Variants in TNIK observed in about 807,000 individuals in gnomAD.
TNIK encodes TRAF2 and NCK interacting kinase, also known as TRAF2 and NCK-interacting protein kinase.
In TNIK, 49 loss-of-function variants were observed where a neutral mutation model predicts 191.3. The observed-to-expected ratio is 0.26, with a 90% confidence interval of 0.20 to 0.32. The LOEUF (loss-of-function observed/expected upper bound fraction) is 0.32, where lower values mean the gene tolerates loss of function less well. TNIK is among the 10% of genes least tolerant of loss of function. TNIK has a pLI of 1.00. For synonymous variants in TNIK, 594 were observed against 600.9 expected, an observed-to-expected ratio of 0.99 and a Z score of 0.17; for missense variants, 1,155 against 1,702.3, an observed-to-expected ratio of 0.68 and a Z score of 5.66.
At chr3:171,101,763 T>A in intron 21 of TNIK, 130 bp from the exon 22 acceptor site, 1 of 812,368 alleles carries the variant, frequency 1.2e-6, no homozygotes, top group South Asian at 1.9e-5. Context: ...ACAAACATAG[T>A]TACTGCATGG....
intron 2 of TNIK, among the ~76,000 whole-genome samples, chr3:171,295,675 A>G (rs1752211162): frequency 1.3e-5 from 2 of 152,074 alleles, no homozygotes; most frequent in Admixed American, 1.3e-4. Context: ...GGAAATTAAG[A>G]ACATTTTACA....
At chr3:171,357,988 G>A (rs1237138926) in intron 2 of TNIK, among the ~76,000 whole-genome samples, 1 of 152,146 alleles carries the variant, frequency 6.6e-6, no homozygotes, top group Non-Finnish European at 1.5e-5. Flanking sequence ...GCTACTCTGT[G>A]GAGGGAGGTA....
At chr3:171,097,034 T>C (rs1239803310) in intron 22 of TNIK, among the ~76,000 whole-genome samples, 2 of 152,220 alleles carry the variant, frequency 1.3e-5, no homozygotes, top group Admixed American at 1.3e-4. Context: ...AATTTTCTTA[T>C]AATTGGGTGG....
intron 2 of TNIK, among the ~76,000 whole-genome samples, chr3:171,335,956 A>G (rs549216143): frequency 2.0e-5 from 3 of 152,132 alleles, no homozygotes; most frequent in African/African-American, 7.2e-5. Flanking sequence ...CAGTCTTTTT[A>G]ACTTTAGTCA....
intron 3 of TNIK, among the ~76,000 whole-genome samples, chr3:171,223,786 A>T (rs1294188417): frequency 1.3e-5 from 2 of 152,172 alleles, no homozygotes; most frequent in Non-Finnish European, 2.9e-5. Context: ...ATAGGAATAT[A>T]AAAAATGTAA....
intron 10 of TNIK, among the ~76,000 whole-genome samples, chr3:171,166,510 C>CAAAGATG (rs1734638217): frequency 6.6e-6 from 1 of 152,164 alleles, no homozygotes; most frequent in South Asian, 2.1e-4. Flanking sequence ...GCTAGAGTCA[C>CAAAGATG]AAAGATGTGC....
chr3:171,137,975 AAAAAAAAAAC>A (rs1560166651), intron 15 of TNIK, among the ~76,000 whole-genome samples: 1 of 148,094 alleles, frequency 6.8e-6, no homozygotes, highest in African/African-American at 2.6e-5. Flanking sequence ...ATACAAAAAA[AAAAAAAAAAC>A]AAAAACAAAA....
rs1729284491 is a variant in TNIK at position 171,460,039 on chromosome 3, T to C, written c.25A>G (p.Ser9Gly). 6.2e-7 allele frequency: 1 copy of C among 1,609,024 alleles called. No individual in the cohort carries two copies. Among genetic ancestry groups the C allele is most frequent in the African/African-American group, 1.3e-5 (1 of 74,826 alleles). MASDSPAR[S>G]LDEIDLSALR... ...GCCGAGAGATCTATTTCATCCAGGCTTCGAGCCGGGGAGTCGCTCGCCATG... is the reference window on the plus strand; with the variant it reads ...GCCGAGAGATCTATTTCATCCAGGCCTCGAGCCGGGGAGTCGCTCGCCATG... The change falls in exon 1 of 33, where the codon AGC (serine) becomes GGC (glycine). Residue 9 changes from serine to glycine, a missense_variant. Transcript: ENST00000436636. The surrounding 1 kb of genome is among the most constrained non-coding windows in gnomAD (Gnocchi z 6.8).
intron 1 of TNIK, among the ~76,000 whole-genome samples, chr3:171,376,545 A>G (rs968216888): frequency 8.5e-5 from 13 of 152,130 alleles, no homozygotes; most frequent in Admixed American, 7.2e-4. Context: ...GACATGAGCA[A>G]CTTACTACAC....
In TNIK at chr3:171,118,277, C is replaced by T. The variant is rs186393816; in HGVS notation, c.2120+5319G>A. ...AGGAGAACTACAAACCACTGCTCAA[C>T]GAAATAAAAGAGGATACAAAGAAAT... On this transcript the variant is annotated intron_variant, in intron 18 of 32. Coordinates refer to ENST00000436636, the MANE Select transcript of TNIK (RefSeq NM_015028.4). 4.9e-3 allele frequency among the ~76,000 whole-genome samples: 741 copies of T among 152,028 alleles called. 4 individuals carry two copies. Among genetic ancestry groups the T allele is most frequent in the African/African-American group, 0.015 (642 of 41,444 alleles).
chr3:171,197,862 T>TCA (rs2108858142), intron 4 of TNIK, among the ~76,000 whole-genome samples: 1 of 152,296 alleles, frequency 6.6e-6, no homozygotes, highest in South Asian at 2.1e-4. Flanking sequence ...AATGGGTTCC[T>TCA]CAATAAGTTA....
chr3:171,114,164 C>T (rs918234176), intron 18 of TNIK, among the ~76,000 whole-genome samples: 1 of 152,150 alleles, frequency 6.6e-6, no homozygotes, highest in African/African-American at 2.4e-5. Flanking sequence ...AATCTATCGC[C>T]TTCCAGATGC....
intron 2 of TNIK, among the ~76,000 whole-genome samples, chr3:171,242,545 C>T (rs1745113878): frequency 6.6e-6 from 1 of 151,542 alleles, no homozygotes; most frequent in Non-Finnish European, 1.5e-5. Flanking sequence ...ACTCAGCAGT[C>T]TTGTGTTTGC....
At chr3:171,350,807 A>T (rs1713042898) in intron 2 of TNIK, among the ~76,000 whole-genome samples, 1 of 152,150 alleles carries the variant, frequency 6.6e-6, no homozygotes, top group Admixed American at 6.5e-5. Context: ...AAACCAAAGC[A>T]CAAAGAGGTT....
At chr3:171,379,492 C>T (rs1034498447) in intron 1 of TNIK, among the ~76,000 whole-genome samples, 14 of 152,138 alleles carry the variant, frequency 9.2e-5, no homozygotes, top group South Asian at 2.1e-4. Context: ...TCCCAAGTCA[C>T]GACTACAAAC....
chr3:171,455,838 G>A (rs1491664), intron 1 of TNIK, among the ~76,000 whole-genome samples: 31,972 of 152,066 alleles, frequency 0.21, 3,474 homozygotes, highest in African/African-American at 0.26. Context: ...ATTCATTCAC[G>A]TACTCATTCA....
At chr3:171,263,767 AG>A (rs1342076568) in intron 2 of TNIK, among the ~76,000 whole-genome samples, 5 of 151,916 alleles carry the variant, frequency 3.3e-5, no homozygotes, top group African/African-American at 1.2e-4. Context: ...CAGCCAGGTA[AG>A]GGGTGCTTAC....
chr3:171,177,097 TTC>T (rs1473661559), intron 8 of TNIK, among the ~76,000 whole-genome samples: 1 of 150,422 alleles, frequency 6.6e-6, no homozygotes, highest in African/African-American at 2.5e-5. Context: ...AAAGTATGCT[TTC>T]TTTTTCTTCC....
rs71634497 is a variant in TNIK at position 171,327,900 on chromosome 3, T to TAAAAAAAAAAAA, written c.123+41708_123+41719dup. Among the ~76,000 whole-genome samples, 212 of 79,590 alleles carry TAAAAAAAAAAAA rather than the reference T, an allele frequency of 2.7e-3. 11 individuals are homozygous for TAAAAAAAAAAAA. The highest frequency in any genetic ancestry group is 7.9e-3 in the East Asian group (14 of 1,776). 52.2% of individuals were successfully genotyped at this position (79,590 alleles called of 152,430 possible). On this transcript the variant is annotated intron_variant, in intron 2 of 32. Coordinates refer to ENST00000436636, the MANE Select transcript of TNIK (RefSeq NM_015028.4). ...ATCTGTGGCTCCCAAACCTGGCTCA[T>TAAAAAAAAAAAA]AAAAAAAAAAAAAAAAAAAAAAAAA...
Sources: gnomAD v4.1 joint callset for allele counts (sites outside exome capture counted in the v4.1 genomes callset) on GRCh38, gnomAD v4.1.1 for gene constraint, Gnocchi (gnomAD v3.1) non-coding constraint, MANE v1.5 for transcripts, NCBI Gene and HGNC (gene_info 2026-07-23, HGNC 2026-07-21) for gene names.